PLCG2: variants seen among roughly 807,000 people sequenced by gnomAD.
The protein encoded by PLCG2 is 1-phosphatidylinositol 4,5-bisphosphate phosphodiesterase gamma-2.
Under a neutral mutation model 175.6 loss-of-function variants are expected in PLCG2, and 69 were observed. The ratio of observed to expected loss-of-function variants is 0.39; its 90% confidence interval spans 0.32 to 0.48. PLCG2 has a LOEUF of 0.48. PLCG2 is among the 20% of genes least tolerant of loss of function. The pLI, the probability that PLCG2 is intolerant of heterozygous loss-of-function variation, is 0.91. For synonymous variants in PLCG2, 827 were observed against 624.0 expected (o/e 1.33, Z -4.85); for missense variants, 1,798 against 1,650.9 (o/e 1.09, Z -1.54).
intron 18 of PLCG2, among the ~76,000 whole-genome samples, chr16:81,911,104 C>G (rs1293533254): frequency 6.6e-6 from 1 of 151,954 alleles, no homozygotes; most frequent in Non-Finnish European, 1.5e-5. Flanking sequence ...TTTTTTTTAT[C>G]TAGTGAAATG....
intron 24 of PLCG2, among the ~76,000 whole-genome samples, chr16:81,929,010 C>G (rs1213263132): frequency 6.6e-6 from 1 of 152,232 alleles, no homozygotes; most frequent in Non-Finnish European, 1.5e-5. Flanking sequence ...CCAGCTCTGC[C>G]TCTCTGTCGC....
chr16:81,806,344 C>T (rs76297459), intron 2 of PLCG2, among the ~76,000 whole-genome samples: 13 of 152,180 alleles, frequency 8.5e-5, no homozygotes, highest in Admixed American at 2.0e-4. Context: ...TGTGTGTGAT[C>T]AGGTAGCTTT....
At chr16:81,778,044 A>AAAACAAACAAAC (rs1910509361), upstream of PLCG2, among the ~76,000 whole-genome samples, 3 of 83,782 alleles carry the variant, frequency 3.6e-5, no homozygotes, top group African/African-American at 1.7e-4. Flanking sequence ...AAAAAAAAAC[A>AAAACAAACAAAC]AAAAAAAAAA....
intron 5 of PLCG2, 127 bp from the exon 6 acceptor site, chr16:81,869,087 T>C (rs756087169): frequency 2.9e-6 from 2 of 700,364 alleles, no homozygotes; most frequent in South Asian, 3.3e-5. Flanking sequence ...CAGTTAGTGG[T>C]CCATAAATAA....
At chr16:81,755,642 C>G (rs1449863602) in intron 1 of PLCG2, among the ~76,000 whole-genome samples, 1 of 152,104 alleles carries the variant, frequency 6.6e-6, no homozygotes, top group Non-Finnish European at 1.5e-5. Context: ...TCTCGTCCCT[C>G]AGCGTCCCGA....
chr16:81,818,771 C>T (rs1047047523), intron 2 of PLCG2, among the ~76,000 whole-genome samples: 18 of 151,830 alleles, frequency 1.2e-4, no homozygotes, highest in African/African-American at 4.1e-4. Flanking sequence ...CTGAGCCTGT[C>T]ACTCTGGCAT....
intron 8 of PLCG2, among the ~76,000 whole-genome samples, chr16:81,881,220 G>C (rs1450788743): frequency 6.6e-6 from 1 of 152,088 alleles, no homozygotes; most frequent in African/African-American, 2.4e-5. Context: ...CCCCGAATGT[G>C]CCTCATGAGA....
chr16:81,947,462 G>C (rs911949186), intron 31 of PLCG2, among the ~76,000 whole-genome samples: 6 of 152,216 alleles, frequency 3.9e-5, no homozygotes, highest in African/African-American at 1.4e-4. Flanking sequence ...AAGCCGAGCT[G>C]AATTGCATTC....
At chr16:81,820,461 C>T (rs1396985041) in intron 2 of PLCG2, among the ~76,000 whole-genome samples, 1 of 152,222 alleles carries the variant, frequency 6.6e-6, no homozygotes, top group Non-Finnish European at 1.5e-5. Context: ...GTGTGATGTT[C>T]TCAAGGTTCA....
At chr16:81,861,395 C>G (rs1217079704) in intron 5 of PLCG2, among the ~76,000 whole-genome samples, 1 of 152,216 alleles carries the variant, frequency 6.6e-6, no homozygotes, top group Non-Finnish European at 1.5e-5. Flanking sequence ...TTTGGGTGAG[C>G]TTCCCTGGTT....
At chr16:81,917,688 G>C (rs1164490453) in intron 19 of PLCG2, among the ~76,000 whole-genome samples, 1 of 152,120 alleles carries the variant, frequency 6.6e-6, no homozygotes, top group Non-Finnish European at 1.5e-5. Flanking sequence ...ATCTTCCTTT[G>C]AGAAATGTCT....
chr16:81,866,835 G>C (rs1207679057), intron 5 of PLCG2, among the ~76,000 whole-genome samples: 2 of 152,238 alleles, frequency 1.3e-5, no homozygotes, highest in Non-Finnish European at 2.9e-5. Flanking sequence ...GGTAGCGCCT[G>C]TTCCCACTGC....
chr16:81,782,480 G>T (rs1910782965), intron 1 of PLCG2, among the ~76,000 whole-genome samples: 1 of 152,152 alleles, frequency 6.6e-6, no homozygotes, highest in African/African-American at 2.4e-5. Context: ...AGGTCTTGGA[G>T]ACCTCCCTGC....
intron 2 of PLCG2, among the ~76,000 whole-genome samples, chr16:81,789,895 C>T (rs548409904): frequency 1.3e-5 from 2 of 151,512 alleles, no homozygotes; most frequent in Non-Finnish European, 2.9e-5. Context: ...CTGTAGGCGC[C>T]GCCCTAGGCG....
chr16:81,957,917 C>A (rs371887861), intron 32 of PLCG2, 39 bp from the exon 33 acceptor site: 223 of 1,595,856 alleles, frequency 1.4e-4, no homozygotes, highest in Non-Finnish European at 1.8e-4. Context: ...GCCCATTTCT[C>A]ATGGCCCACT....
In PLCG2 at chr16:81,961,170, A is replaced by C. The variant is rs1911764802; in HGVS notation, c.*3172A>C. 1 of 229,042 alleles carries C rather than the reference A, an allele frequency of 4.4e-6. No individual in the cohort carries two copies. Among genetic ancestry groups the C allele is most frequent in the Non-Finnish European group, 8.7e-6 (1 of 115,552 alleles). 14.2% of individuals were successfully genotyped at this position (229,042 alleles called of 1,614,324 possible). On this transcript the variant is annotated 3_prime_UTR_variant, in exon 33 of 33. Transcript: ENST00000564138. ...TGAGTCTCTTAGCATGTAACTACAA[A>C]GGGGTTGGAAGAATTCAGTGATTCT...
In PLCG2 at chr16:81,900,624, C is replaced by G. The variant is rs1305604406; in HGVS notation, c.1206C>G (p.Ile402Met). Residue 402 changes from isoleucine to methionine, a missense_variant, in exon 14 of 33, where the codon ATC (isoleucine) becomes ATG (methionine). Coordinates refer to ENST00000564138, the MANE Select transcript of PLCG2 (RefSeq NM_002661.5). The part of the protein sequence containing the change: ...HAFVTSSFPV[I>M]LSIEEHCSVE... ...CTTCTGCCTGCAGCTTCCCAGTGAT[C>G]CTGTCCATCGAGGAGCACTGCAGCG... is the stretch of plus-strand genomic sequence containing the variant. The G allele has an allele frequency of 6.3e-7, 1 of 1,593,502 alleles. No individual in the cohort carries two copies. Among genetic ancestry groups the G allele is most frequent in the Non-Finnish European group, 8.6e-7 (1 of 1,163,100 alleles).
chr16:81,926,388 C>T (rs901895283), intron 22 of PLCG2, among the ~76,000 whole-genome samples: 2 of 152,204 alleles, frequency 1.3e-5, no homozygotes, highest in African/African-American at 4.8e-5. Context: ...GTTTGCATGT[C>T]TGGGCACGGC....
At chr16:81,886,829 C>A (rs756805797) in intron 9 of PLCG2, among the ~76,000 whole-genome samples, 5 of 152,192 alleles carry the variant, frequency 3.3e-5, no homozygotes, top group African/African-American at 7.2e-5. Context: ...AGTCAGTGCT[C>A]AGTGTTGATG....
Sources: allele counts gnomAD v4.1 joint callset (sites outside exome capture counted in the v4.1 genomes callset), GRCh38; gene constraint gnomAD v4.1.1; transcripts MANE v1.5; gene names NCBI Gene and HGNC (gene_info 2026-07-23, HGNC 2026-07-21).